SH3TC1: variants seen among roughly 807,000 people sequenced by gnomAD.
SH3TC1 encodes the protein SH3 domain and tetratricopeptide repeat-containing protein 1.
A neutral mutation model predicts 117.3 loss-of-function variants in SH3TC1; 135 were observed. The ratio of observed to expected loss-of-function variants is 1.15; its 90% CI spans 1.00 to 1.33. The LOEUF is 1.33. Among genes scored for constraint, SH3TC1 ranks in the 40% most tolerant of loss-of-function variants. The probability of loss-of-function intolerance (pLI) is 0.00; values close to 1 mark genes in which losing one functional copy is unlikely to be tolerated. For synonymous variants in SH3TC1, 898 were observed against 816.9 expected (o/e 1.10, Z -1.69); for missense variants, 2,092 against 1,794.3 (o/e 1.17, Z -3.00).
intron 1 of SH3TC1, among the ~76,000 whole-genome samples, chr4:8,199,621 G>T (rs1160632441): frequency 6.6e-6 from 1 of 152,216 alleles, no homozygotes; most frequent in Middle Eastern, 3.2e-3. Flanking sequence ...GTGCCAATCC[G>T]CAGTGATTGA....
chr4:8,236,601 T>C (rs2152998082), intron 16 of SH3TC1, 173 bp downstream of exon 16: 2 of 831,322 alleles, frequency 2.4e-6, no homozygotes, highest in Non-Finnish European at 3.5e-6. Context: ...CCCGAGGTCC[T>C]TCACTCAGTG....
intron 1 of SH3TC1, among the ~76,000 whole-genome samples, chr4:8,184,159 A>G (rs922158178): frequency 7.2e-5 from 11 of 152,174 alleles, no homozygotes; most frequent in Non-Finnish European, 1.6e-4. Flanking sequence ...CAATATCTGT[A>G]TCTCTATTAG....
intron 12 of SH3TC1, among the ~76,000 whole-genome samples, chr4:8,229,607 G>A (rs1037327106): frequency 6.6e-6 from 1 of 151,876 alleles, no homozygotes; most frequent in Non-Finnish European, 1.5e-5. Flanking sequence ...GGTGCTGGAT[G>A]GTGAGAAGCT....
At chr4:8,184,999 C>T (rs1222666677) in intron 1 of SH3TC1, among the ~76,000 whole-genome samples, 1 of 151,100 alleles carries the variant, frequency 6.6e-6, no homozygotes, top group Non-Finnish European at 1.5e-5. Flanking sequence ...TGGGAGTCCC[C>T]TGTCTGCCTA....
chr4:8,226,916 C>A, intron 11 of SH3TC1, 64 bp from the exon 12 acceptor site: 1 of 1,242,914 alleles, frequency 8.0e-7, no homozygotes, highest in African/African-American at 1.5e-5. Context: ...GGGGACCCTG[C>A]CCCCAGTGGA....
At chr4:8,232,893 G>A in intron 13 of SH3TC1, 6 of 1,215,322 alleles carry the variant, frequency 4.9e-6, no homozygotes, top group South Asian at 4.4e-5. Flanking sequence ...CAGCATCCAT[G>A]TCACCTAGGA....
intron 5 of SH3TC1, among the ~76,000 whole-genome samples, 165 bp downstream of exon 5, chr4:8,214,745 GC>G (rs558297342): frequency 2.0e-5 from 3 of 152,270 alleles, no homozygotes; most frequent in Admixed American, 2.0e-4. Context: ...GTGCAATGGC[GC>G]AATCTTAGCT....
intron 17 of SH3TC1, among the ~76,000 whole-genome samples, chr4:8,238,194 G>A (rs1436747840): frequency 3.9e-5 from 6 of 152,042 alleles, no homozygotes; most frequent in Non-Finnish European, 8.8e-5. Context: ...ACATCACCCA[G>A]GCAGGGTGGG....
chr4:8,224,846 G>A (rs1050920286), intron 10 of SH3TC1, among the ~76,000 whole-genome samples: 18 of 152,184 alleles, frequency 1.2e-4, no homozygotes, highest in Admixed American at 8.5e-4. Context: ...CCCAGAAGAC[G>A]GGAGAGTGGA....
Position 8,216,139 on chromosome 4 carries a change from GCTCATGGA to G in SH3TC1, c.512_519del (p.Leu171ProfsTer10). 1 of 1,613,602 alleles carries G rather than the reference GCTCATGGA, an allele frequency of 6.2e-7. No homozygotes were observed. On this transcript the variant is annotated frameshift_variant, in exon 6 of 18. Coordinates refer to ENST00000245105, the MANE Select transcript of SH3TC1 (RefSeq NM_018986.5). LOFTEE classifies it high-confidence loss of function. ...TCACTCATCACTGCCTGGCAAACCT[GCTCATGGA>G]CCAGGCCTTCTGGCTGCTCTTGCCC...
chr4:8,232,179 T>A, intron 13 of SH3TC1, 23 bp downstream of exon 13: 1 of 77,916 alleles, frequency 1.3e-5, no homozygotes. Flanking sequence ...TCTGTGGTGG[T>A]GGGGGCGGGG....
intron 1 of SH3TC1, among the ~76,000 whole-genome samples, chr4:8,185,110 T>C (rs1578630562): frequency 6.7e-6 from 1 of 149,798 alleles, no homozygotes; most frequent in South Asian, 2.1e-4. Flanking sequence ...CTGAGGCGGG[T>C]GGATCACTTG....
Position 8,225,039 on chromosome 4 carries a change from A to G in SH3TC1, c.1244-136A>G, listed in dbSNP as rs1720331324. 7 of 1,059,166 alleles carry G rather than the reference A, an allele frequency of 6.6e-6. No individual in the cohort carries two copies. Among genetic ancestry groups the G allele is most frequent in the Non-Finnish European group, 9.8e-6 (7 of 715,130 alleles). The allele number at this position is 1,059,166 out of a possible 1,614,324, so 65.6% of individuals were successfully genotyped here. ...CAACACTCCAGCCCGCAACACCAGC[A>G]CCCTGCAACATCTCAGCCCTCAATA... On this transcript the variant is annotated intron_variant, in intron 10 of 17. Coordinates refer to ENST00000245105, the MANE Select transcript of SH3TC1 (RefSeq NM_018986.5). The surrounding 1 kb of genome is among the most constrained non-coding windows in gnomAD (Gnocchi z 5.5).
intron 13 of SH3TC1, chr4:8,232,525 C>T (rs1287791404): frequency 1.4e-6 from 2 of 1,380,650 alleles, no homozygotes; most frequent in Admixed American, 1.9e-5. Flanking sequence ...TTCACCTGTC[C>T]CCTTAAATGT....
At chr4:8,216,848 C>T (rs928467860) in intron 6 of SH3TC1, 109 bp from the exon 7 acceptor site, 20 of 1,134,360 alleles carry the variant, frequency 1.8e-5, no homozygotes, top group Admixed American at 7.3e-5. Flanking sequence ...CTGGGGGGGC[C>T]GCTCCTGTGG....
intron 6 of SH3TC1, 126 bp from the exon 7 acceptor site, chr4:8,216,831 G>A (rs1318662665): frequency 5.3e-6 from 5 of 938,814 alleles, no homozygotes; most frequent in Non-Finnish European, 6.7e-6. Context: ...CTCTGTGCCT[G>A]CAGACACTGG....
At chr4:8,196,920 A>G (rs536813612), upstream of SH3TC1, among the ~76,000 whole-genome samples, 19 of 152,274 alleles carry the variant, frequency 1.2e-4, no homozygotes, top group East Asian at 2.7e-3. This position sits in a 1 kb window ranked among gnomAD's most constrained non-coding sequence, Gnocchi z 4.6. Context: ...TTGGGGGCCA[A>G]TGTTTCTAAC....
At chr4:8,218,098 C>A in intron 7 of SH3TC1, 173 bp from the exon 8 acceptor site, 1 of 480,000 alleles carries the variant, frequency 2.1e-6, no homozygotes, top group Non-Finnish European at 3.7e-6. Context: ...GGCCTGAAGG[C>A]CACACACCTG....
intron 12 of SH3TC1, among the ~76,000 whole-genome samples, chr4:8,229,940 G>A (rs971886577): frequency 6.0e-5 from 9 of 150,642 alleles, no homozygotes; most frequent in East Asian, 5.8e-4. Flanking sequence ...TTGAACAGTC[G>A]AGGAGACCGG....
Sources: allele counts gnomAD v4.1 joint callset (sites outside exome capture counted in the v4.1 genomes callset), GRCh38; gene constraint gnomAD v4.1.1; non-coding constraint Gnocchi (gnomAD v3.1); transcripts MANE v1.5; gene names NCBI Gene and HGNC (gene_info 2026-07-23, HGNC 2026-07-21).